The following AGO3 variants were observed in gnomAD, a reference collection of about 807,000 sequenced individuals.
The protein encoded by AGO3 is argonaute RISC catalytic component 3.
AGO3 carries 16 observed loss-of-function variants against 105.5 expected under a neutral mutation model. That is an observed-to-expected ratio of 0.15 (90% confidence interval 0.10 to 0.23). AGO3 has a LOEUF of 0.23. AGO3 is among the 10% of genes least tolerant of loss of function. AGO3 has a pLI of 1.00. For synonymous variants in AGO3, 340 were observed against 367.3 expected, an observed-to-expected ratio of 0.93 and a Z score of 0.85; for missense variants, 534 against 1,088.0, an observed-to-expected ratio of 0.49 and a Z score of 7.16.
Position 36,032,844 on chromosome 1 carries a change from G to A in AGO3, c.1592-1330G>A, listed in dbSNP as rs555966677. 2.0e-5 allele frequency among the ~76,000 whole-genome samples: 3 copies of A among 152,146 alleles called. No homozygotes were observed. In the South Asian group the frequency reaches 6.2e-4, roughly 32 times the overall value. On this transcript the variant is annotated intron_variant, in intron 12 of 18. Transcript: ENST00000373191. The stretch of plus-strand genomic sequence containing the variant: ...ATCTCTACTAAAAATACAGAAATTG[G>A]CTGGGCGTAGTGGCTCATGCCTGTA...
intron 5 of AGO3, among the ~76,000 whole-genome samples, chr1:35,995,209 A>AATATATATAT (rs748081363): frequency 4.6e-4 from 53 of 114,726 alleles, no homozygotes; most frequent in South Asian, 1.9e-3. Context: ...TAAAAAAAAA[A>AATATATATAT]ATATATATAT....
At chr1:35,947,953 A>G (rs895599850) in intron 2 of AGO3, among the ~76,000 whole-genome samples, 3 of 152,180 alleles carry the variant, frequency 2.0e-5, no homozygotes, top group Non-Finnish European at 4.4e-5. Flanking sequence ...GCTACTCTGA[A>G]GGCTGAGGCA....
intron 16 of AGO3, among the ~76,000 whole-genome samples, chr1:36,041,240 T>C (rs917064004): frequency 1.0e-4 from 14 of 135,080 alleles, no homozygotes; most frequent in Non-Finnish European, 1.6e-4. Context: ...GTTTTCTTTT[T>C]TTTTTTTTTT....
At chr1:36,028,159 G>A (rs942008834) in intron 12 of AGO3, among the ~76,000 whole-genome samples, 7 of 151,880 alleles carry the variant, frequency 4.6e-5, no homozygotes, top group East Asian at 3.9e-4. Flanking sequence ...CTCCTTTCTC[G>A]GCCTCCCAAG....
intron 5 of AGO3, 160 bp downstream of exon 5, chr1:35,973,671 T>C: frequency 1.2e-6 from 1 of 836,594 alleles, no homozygotes; most frequent in Non-Finnish European, 1.6e-6. Flanking sequence ...TTACATTTCA[T>C]TTAGAAAGCC....
chr1:36,044,853 A>G (rs1297044029), intron 17 of AGO3, among the ~76,000 whole-genome samples: 1 of 152,218 alleles, frequency 6.6e-6, no homozygotes, highest in East Asian at 1.9e-4. Flanking sequence ...AGTGCATCTC[A>G]AACTTTCCAA....
intron 16 of AGO3, 86 bp from the exon 17 acceptor site, chr1:36,043,361 C>A (rs1642328839): frequency 4.0e-6 from 4 of 1,001,082 alleles, no homozygotes; most frequent in Non-Finnish European, 6.2e-6. Flanking sequence ...TAGGATCAGC[C>A]TATGTATTCA....
At chr1:36,043,189 A>T (rs1012892778) in intron 16 of AGO3, 1 of 378,418 alleles carries the variant, frequency 2.6e-6, no homozygotes, top group African/African-American at 2.1e-5. Flanking sequence ...TCTTCCACCC[A>T]TAGTGGGGTC....
chr1:35,971,119 A>G (rs1244476321), intron 3 of AGO3, among the ~76,000 whole-genome samples: 2 of 144,268 alleles, frequency 1.4e-5, no homozygotes, highest in African/African-American at 5.0e-5. Flanking sequence ...ATATAAATTT[A>G]TATTATAAAT....
At chr1:36,047,365 T>C (rs1474251005) in intron 17 of AGO3, among the ~76,000 whole-genome samples, 2 of 149,758 alleles carry the variant, frequency 1.3e-5, no homozygotes, top group African/African-American at 2.5e-5. Flanking sequence ...CAAAATATAA[T>C]AGAGAGCTTC....
rs1643119487 is a variant in AGO3, at chr1:36,068,221, A to G, written c.*12476A>G. 1 of 152,236 alleles carries G rather than the reference A, an allele frequency of 6.6e-6. No individual in the cohort carries two copies. Among genetic ancestry groups the G allele is most frequent in the Admixed American group, 6.5e-5 (1 of 15,282 alleles). 9.4% of individuals were successfully genotyped at this position (152,236 alleles called of 1,614,324 possible). On this transcript the variant is annotated 3_prime_UTR_variant, in exon 19 of 19. Coordinates refer to ENST00000373191, the MANE Select transcript of AGO3 (RefSeq NM_024852.4). ...GTAACTTTAACATATATGAAGAGAAATTCTAACTCAGTTAAGTGAGAATTA... is the reference window on the plus strand; with the variant it reads ...GTAACTTTAACATATATGAAGAGAAGTTCTAACTCAGTTAAGTGAGAATTA...
chr1:36,000,685 A>T (rs983998038), intron 5 of AGO3, among the ~76,000 whole-genome samples: 5 of 152,040 alleles, frequency 3.3e-5, no homozygotes, highest in Non-Finnish European at 4.4e-5. Context: ...AACATTATAA[A>T]CATATAACTT....
intron 9 of AGO3, among the ~76,000 whole-genome samples, chr1:36,010,855 G>A (rs1206013099): frequency 9.3e-5 from 14 of 150,418 alleles, no homozygotes; most frequent in Admixed American, 6.0e-4. Flanking sequence ...GCGGTGAGTC[G>A]GGATTGTGCC....
chr1:36,043,165 A>G, intron 16 of AGO3: 1 of 290,754 alleles, frequency 3.4e-6, no homozygotes, highest in Non-Finnish European at 6.3e-6. Flanking sequence ...ATTTAAAAAA[A>G]ATTTTTTTTA....
intron 1 of AGO3, among the ~76,000 whole-genome samples, chr1:35,940,229 G>T (rs542700935): frequency 1.4e-3 from 207 of 152,184 alleles, no homozygotes; most frequent in African/African-American, 4.8e-3. Context: ...ATGACGCCCG[G>T]CTAATTTTTG....
chr1:35,956,340 A>T (rs1646564539), intron 2 of AGO3, among the ~76,000 whole-genome samples: 1 of 152,146 alleles, frequency 6.6e-6, no homozygotes, highest in Non-Finnish European at 1.5e-5. Flanking sequence ...GAATATTTGG[A>T]GGTTGAATTG....
rs1200382077 is a variant in AGO3, at chr1:36,006,319, C to A, written c.793+1844C>A. 2.0e-5 allele frequency among the ~76,000 whole-genome samples: 3 copies of A among 151,928 alleles called. No homozygotes were observed. The East Asian group carries it at 5.8e-4, about 29-fold the overall frequency. ...TCATCTTTTTCCAGTTGAACTTGTA[C>A]CTAAATATTTAATAATAACTTTGGA... is the stretch of plus-strand genomic sequence containing the variant. On this transcript the variant is annotated intron_variant, in intron 6 of 18. Transcript: ENST00000373191.
At chr1:35,996,869 A>T (rs1251491701) in intron 5 of AGO3, among the ~76,000 whole-genome samples, 5 of 152,182 alleles carry the variant, frequency 3.3e-5, no homozygotes, top group Admixed American at 3.3e-4. Flanking sequence ...CCACAGTGAG[A>T]TACCACCCAT....
chr1:36,025,392 T>A (rs1035066604), intron 11 of AGO3, among the ~76,000 whole-genome samples: 5 of 151,414 alleles, frequency 3.3e-5, no homozygotes, highest in Non-Finnish European at 7.4e-5. Context: ...ATTATCTTAT[T>A]TGGCCTTGAA....
Sources: allele counts gnomAD v4.1 joint callset (sites outside exome capture counted in the v4.1 genomes callset), GRCh38; gene constraint gnomAD v4.1.1; transcripts MANE v1.5; gene names NCBI Gene and HGNC (gene_info 2026-07-23, HGNC 2026-07-21).